RABL2A: variants seen among roughly 807,000 people sequenced by gnomAD.
RABL2A encodes the protein RAB, member of RAS oncogene family like 2A.
A neutral mutation model predicts 30.7 loss-of-function variants in RABL2A; 17 were observed. That is an observed-to-expected ratio of 0.55 (90% CI 0.38 to 0.83). The LOEUF is 0.83. Among genes scored for constraint, RABL2A ranks in the 40% least tolerant of loss-of-function variants. RABL2A has a pLI of 0.00. For synonymous variants in RABL2A, 64 were observed against 101.8 expected (o/e 0.63, Z 2.24); for missense variants, 155 against 272.6 (o/e 0.57, Z 3.04).
intron 5 of RABL2A, among the ~76,000 whole-genome samples, chr2:113,636,384 C>CCA (rs59421022): frequency 6.6e-6 from 1 of 151,954 alleles, no homozygotes; most frequent in East Asian, 1.9e-4. Context: ...GGGCATCTCC[C>CCA]CACACACACA....
chr2:113,634,012 C>T lies in RABL2A; in HGVS notation c.138-141C>T. 2.1e-6 allele frequency: 3 copies of T among 1,448,960 alleles called. No individual in the cohort carries two copies. In the South Asian group the frequency reaches 4.1e-5, roughly 20 times the overall value. The allele number at this position is 1,448,960 out of a possible 1,614,324, so 89.8% of individuals were successfully genotyped here. A position where few individuals can be genotyped will look rare whatever the true frequency, so the allele number is the denominator to read the frequency against. On this transcript the variant is annotated intron_variant, in intron 3 of 8. Coordinates refer to ENST00000683472, the MANE Select transcript of RABL2A (RefSeq NM_001306158.2). Reference sequence around the variant, plus strand: ...GTATGTGAAGCTGATCCTCTGTCTGCAACATTCATTTGATTTAAAATCTCA... The same window carrying T: ...GTATGTGAAGCTGATCCTCTGTCTGTAACATTCATTTGATTTAAAATCTCA...
intron 5 of RABL2A, 127 bp from the exon 6 acceptor site, chr2:113,640,767 A>G: frequency 6.5e-6 from 10 of 1,531,874 alleles, no homozygotes; most frequent in South Asian, 1.2e-5. Context: ...AGAGGCTGCA[A>G]TTCAGAGCGT....
At chr2:113,633,916 C>G in intron 3 of RABL2A, 11 of 782,000 alleles carry the variant, frequency 1.4e-5, no homozygotes, top group Admixed American at 3.0e-5. Flanking sequence ...TGTTTTACCT[C>G]AGACTTCGAT....
chr2:113,632,797 G>A lies in RABL2A; in HGVS notation c.108-118G>A. 3 of 1,393,086 alleles carry A rather than the reference G, an allele frequency of 2.2e-6. 1 individual carries two copies. The highest frequency in any genetic ancestry group is 2.3e-5 in the South Asian group (2 of 85,598). The allele number at this position is 1,393,086 out of a possible 1,614,324, so 86.3% of individuals were successfully genotyped here. ...GACCCGGAAGCTGTGTGGCTGTGGA[G>A]TGAAAGGGGGAAGGGAAGCCACAGG... On this transcript the variant is annotated intron_variant, in intron 2 of 8. Coordinates refer to ENST00000683472, the MANE Select transcript of RABL2A (RefSeq NM_001306158.2).
intron 5 of RABL2A, chr2:113,638,118 C>T: frequency 1.0e-6 from 1 of 985,464 alleles, no homozygotes; most frequent in Non-Finnish European, 1.2e-6. Flanking sequence ...GGACAAAAGT[C>T]ATCTGAGCCT....
chr2:113,640,530 C>T, intron 5 of RABL2A: 1 of 306,882 alleles, frequency 3.3e-6, no homozygotes, highest in Admixed American at 4.6e-5. Context: ...CATGCGCCAC[C>T]ACGCCCAGCT....
At chr2:113,636,997 T>G (rs9750212) in intron 5 of RABL2A, among the ~76,000 whole-genome samples, 1 of 95,636 alleles carries the variant, frequency 1.0e-5, no homozygotes, top group African/African-American at 6.9e-5. Context: ...TCAAAAAAAA[T>G]AAAAAAATAA....
intron 5 of RABL2A, among the ~76,000 whole-genome samples, chr2:113,636,292 C>T (rs532925121): frequency 6.6e-6 from 1 of 152,044 alleles, no homozygotes; most frequent in East Asian, 1.9e-4. Flanking sequence ...ACAAAACAAC[C>T]ATTTTCTGAT....
chr2:113,630,124 A>T (rs912717203), intron 2 of RABL2A, among the ~76,000 whole-genome samples: 1 of 152,204 alleles, frequency 6.6e-6, no homozygotes, highest in Non-Finnish European at 1.5e-5. Flanking sequence ...AAAAAATAAG[A>T]ATCCAAGTAG....
rs561235050 is a variant in RABL2A at position 113,640,704 on chromosome 2, G to A, written c.298-190G>A. 86 of 644,850 alleles carry A rather than the reference G, an allele frequency of 1.3e-4. No homozygotes were observed. In the East Asian group the frequency reaches 2.3e-3, roughly 17 times the overall value. The allele number at this position is 644,850 out of a possible 1,614,324, so 39.9% of individuals were successfully genotyped here. ...GAATAAGATTTTTAAAAACATTTTC[G>A]CATCTGGAGGCTCCAGGGGGCTTCC... On this transcript the variant is annotated intron_variant, in intron 5 of 8. Transcript: ENST00000683472.
At chr2:113,633,174 A>T in intron 3 of RABL2A, 1 of 659,896 alleles carries the variant, frequency 1.5e-6, no homozygotes, top group Non-Finnish European at 2.8e-6. Context: ...ATTGTTTTAT[A>T]TTAAGAGGGC....
intron 2 of RABL2A, among the ~76,000 whole-genome samples, chr2:113,631,853 CT>C (rs1680482583): frequency 6.6e-6 from 1 of 151,886 alleles, no homozygotes; most frequent in African/African-American, 2.4e-5. Context: ...GAGCTTGAGT[CT>C]TTTTCATTGA....
chr2:113,628,874 C>G (rs1438764511), intron 2 of RABL2A, among the ~76,000 whole-genome samples, 161 bp downstream of exon 2: 1 of 152,030 alleles, frequency 6.6e-6, no homozygotes, highest in East Asian at 1.9e-4. Flanking sequence ...ATCACATGAC[C>G]CGTTGTGTGT....
At chr2:113,637,115 TGAGA>T (rs976389124) in intron 5 of RABL2A, among the ~76,000 whole-genome samples, 26 of 152,358 alleles carry the variant, frequency 1.7e-4, no homozygotes, top group Admixed American at 1.4e-3. Context: ...ACCTTGGCAC[TGAGA>T]GAGATGCATG....
At chr2:113,638,604 A>G (rs1683861562) in intron 5 of RABL2A, 1 of 947,546 alleles carries the variant, frequency 1.1e-6, no homozygotes, top group Non-Finnish European at 1.3e-6. Context: ...GCGGTGACTC[A>G]TGCCTTTAAT....
chr2:113,628,823 G>C, intron 2 of RABL2A, 110 bp downstream of exon 2: 2 of 1,297,314 alleles, frequency 1.5e-6, no homozygotes, highest in Non-Finnish European at 2.2e-6. Context: ...TGAAGGAGCA[G>C]TCTTGGCTGG....
intron 3 of RABL2A, chr2:113,633,332 A>C (rs530052146): frequency 9.1e-5 from 29 of 319,936 alleles, no homozygotes; most frequent in African/African-American, 6.4e-4. Context: ...AAAATCTCTG[A>C]TATGAATGAA....
At chr2:113,631,848 T>C (rs1680477995) in intron 2 of RABL2A, among the ~76,000 whole-genome samples, 1 of 151,952 alleles carries the variant, frequency 6.6e-6, no homozygotes. Flanking sequence ...GTTCTGAGCT[T>C]GAGTCTTTTT....
At position 113,635,148 on chromosome 2, in the gene RABL2A, G is replaced by A; in HGVS notation, c.297+18G>A. ...GCATCATGGTACGAGACGGTGGGGA[G>A]GTGGACAAAGGCACTGGGCAAGTCT... On this transcript the variant is annotated intron_variant, in intron 5 of 8. Coordinates refer to ENST00000683472, the MANE Select transcript of RABL2A (RefSeq NM_001306158.2). 6.2e-7 allele frequency: 1 copy of A among 1,614,010 alleles called. No individual in the cohort carries two copies. Among genetic ancestry groups the A allele is most frequent in the Non-Finnish European group, 8.5e-7 (1 of 1,179,944 alleles).
Sources: allele counts gnomAD v4.1 joint callset (sites outside exome capture counted in the v4.1 genomes callset), GRCh38; gene constraint gnomAD v4.1.1; transcripts MANE v1.5; gene names NCBI Gene and HGNC (gene_info 2026-07-23, HGNC 2026-07-21).